The following AVEN variants were observed in gnomAD, a reference collection of about 807,000 sequenced individuals.
The protein encoded by AVEN is apoptosis and caspase activation inhibitor.
AVEN carries 41 observed loss-of-function variants against 38.1 expected under a neutral mutation model. The observed-to-expected ratio is 1.08, with a 90% CI of 0.84 to 1.40. The LOEUF (loss-of-function observed/expected upper bound fraction) is 1.40, where lower values mean the gene tolerates loss of function less well. Ranked by LOEUF, AVEN falls within the 40% of genes most tolerant of loss-of-function variation. AVEN has a pLI of 0.00. For synonymous variants in AVEN, 206 were observed against 171.8 expected (o/e 1.20, Z -1.56); for missense variants, 605 against 438.8 (o/e 1.38, Z -3.38).
intron 2 of AVEN, among the ~76,000 whole-genome samples, chr15:33,912,799 C>A (rs1397619959): frequency 6.6e-6 from 1 of 152,168 alleles, no homozygotes; most frequent in Non-Finnish European, 1.5e-5. Flanking sequence ...TAACTAAAAT[C>A]CACATTTGGC....
downstream of AVEN, chr15:33,854,592 T>C (rs1004661955): frequency 1.8e-5 from 19 of 1,050,956 alleles, no homozygotes; most frequent in East Asian, 1.9e-4. Flanking sequence ...GGAACACTTA[T>C]ACAATGGTAT....
downstream of AVEN, chr15:33,865,564 C>A (rs970999148): frequency 8.9e-6 from 2 of 223,470 alleles, no homozygotes; most frequent in Middle Eastern, 1.7e-3. Flanking sequence ...TATGAAATCT[C>A]GAATGTGTAA....
At chr15:34,073,207 A>ATTTTTTTTTTTTTT (rs761265891) in intron 1 of AVEN, among the ~76,000 whole-genome samples, 8 of 111,874 alleles carry the variant, frequency 7.2e-5, no homozygotes, top group African/African-American at 1.1e-4. Context: ...CGCCCGGCTA[A>ATTTTTTTTTTTTTT]TTTTTTTTTT....
intron 2 of AVEN, among the ~76,000 whole-genome samples, chr15:33,946,552 G>A (rs1276341348): frequency 1.3e-5 from 2 of 152,268 alleles, no homozygotes; most frequent in East Asian, 3.9e-4. Context: ...TTCTATTGGG[G>A]AACCACAAGC....
intron 2 of AVEN, among the ~76,000 whole-genome samples, chr15:33,989,661 G>C (rs1368551167): frequency 6.6e-6 from 1 of 151,950 alleles, no homozygotes. Context: ...TTTTAGAAGA[G>C]CTTCTACCCT....
chr15:33,957,238 G>T (rs562945917), intron 2 of AVEN, among the ~76,000 whole-genome samples: 17 of 152,292 alleles, frequency 1.1e-4, no homozygotes, highest in African/African-American at 3.6e-4. Flanking sequence ...GGATTTGGAA[G>T]AGTTCCACGG....
At chr15:34,041,947 T>C (rs1899492518), upstream of AVEN, among the ~76,000 whole-genome samples, 1 of 152,220 alleles carries the variant, frequency 6.6e-6, no homozygotes, top group Admixed American at 6.5e-5. Context: ...ATCTGTTCAT[T>C]CAAGGCGTAT....
chr15:33,880,337 A>G (rs940061802), intron 2 of AVEN, among the ~76,000 whole-genome samples: 1 of 152,138 alleles, frequency 6.6e-6, no homozygotes, highest in African/African-American at 2.4e-5. Context: ...GCATTTATCA[A>G]TTTTCAAAAG....
intron 2 of AVEN, among the ~76,000 whole-genome samples, chr15:33,958,842 T>G (rs1348598839): frequency 6.6e-6 from 1 of 152,232 alleles, no homozygotes; most frequent in East Asian, 1.9e-4. Flanking sequence ...TATTTCTCTA[T>G]GCCATAGGTG....
chr15:34,073,986 C>CTTTTTTTTTTTTTTTTTTTTTTTT lies in AVEN; in HGVS notation n.720+449_720+450insAAAAAAAAAAAAAAAAAAAAAAAA, dbSNP rs1381411256. Among the ~76,000 whole-genome samples the CTTTTTTTTTTTTTTTTTTTTTTTT allele has an allele frequency of 6.2e-5, 7 of 112,192 alleles. 3 individuals carry two copies. The highest frequency in any genetic ancestry group is 2.1e-4 in the African/African-American group (5 of 24,274). 73.6% of individuals were successfully genotyped at this position (112,192 alleles called of 152,430 possible). A position where few individuals can be genotyped will look rare whatever the true frequency, so the allele number is the denominator to read the frequency against. On this transcript the variant is annotated intron_variant and non_coding_transcript_variant, in intron 1 of 11. Transcript: ENST00000675287. ...TGGAGGAACTTTCTTTTTTCTTCTTCTTCTTTTTTTTTTTTTTTTTTTTTT... is the reference window on the plus strand; with the variant it reads ...TGGAGGAACTTTCTTTTTTCTTCTTCTTTTTTTTTTTTTTTTTTTTTTTTTTCTTTTTTTTTTTTTTTTTTTTTT...
At chr15:33,930,387 T>C (rs1407395987) in intron 2 of AVEN, among the ~76,000 whole-genome samples, 1 of 151,406 alleles carries the variant, frequency 6.6e-6, no homozygotes, top group Admixed American at 6.6e-5. Context: ...ATTAACTAAC[T>C]ACTAATTTTA....
intron 4 of AVEN, chr15:34,065,450 G>A (rs536264432): frequency 5.9e-5 from 9 of 152,166 alleles, no homozygotes; most frequent in African/African-American, 2.2e-4. Flanking sequence ...CAAGCAGGGG[G>A]TTGTGGGGTG....
At chr15:33,944,983 T>C (rs1894456345) in intron 2 of AVEN, among the ~76,000 whole-genome samples, 1 of 152,142 alleles carries the variant, frequency 6.6e-6, no homozygotes, top group Non-Finnish European at 1.5e-5. Context: ...TCCAATGAAA[T>C]AGAAAATTTA....
Position 33,867,820 on chromosome 15 carries a change from T to C in AVEN, c.648A>G (p.Pro216=). 6.2e-7 allele frequency: 1 copy of C among 1,603,594 alleles called. No homozygotes were observed. Among genetic ancestry groups the C allele is most frequent in the Admixed American group, 1.8e-5 (1 of 57,124 alleles). The change falls in exon 5 of 6, where the codon CCA becomes CCG. Residue 216 remains proline, a synonymous_variant. Coordinates refer to ENST00000306730, the MANE Select transcript of AVEN (RefSeq NM_020371.3). ...ATCCCTTGCCATCATCAGTTCTCTT[T>C]GGTTTCACCTGAGGAACCTCTAAAG... ...TVPLEVPQVK[P]KRTDDGKGLG... is the part of the protein sequence containing the mutation.
At chr15:33,971,954 GATGATT>G (rs760723091) in intron 2 of AVEN, 3 of 152,054 alleles carry the variant, frequency 2.0e-5, no homozygotes, top group Non-Finnish European at 4.4e-5. Context: ...ATATCAAACA[GATGATT>G]ATATGCTTTC....
At chr15:33,897,959 G>A (rs1019914205) in intron 2 of AVEN, among the ~76,000 whole-genome samples, 1 of 152,178 alleles carries the variant, frequency 6.6e-6, no homozygotes, top group East Asian at 1.9e-4. Flanking sequence ...GGAGGTCGAA[G>A]GGGGCGGATC....
chr15:33,952,317 T>C (rs1023921071), intron 2 of AVEN, among the ~76,000 whole-genome samples: 2 of 152,152 alleles, frequency 1.3e-5, no homozygotes, highest in African/African-American at 2.4e-5. Flanking sequence ...AAGAGAGCAA[T>C]ATACCTTGCA....
intron 2 of AVEN, among the ~76,000 whole-genome samples, chr15:33,998,951 T>C (rs1317201271): frequency 1.3e-5 from 2 of 152,234 alleles, no homozygotes; most frequent in South Asian, 4.1e-4. Context: ...AAATGTATTA[T>C]TGCCAACCCA....
At chr15:33,921,795 C>G (rs1893404563) in intron 2 of AVEN, among the ~76,000 whole-genome samples, 2 of 152,138 alleles carry the variant, frequency 1.3e-5, no homozygotes, top group African/African-American at 4.8e-5. Context: ...CAAAAGAGAA[C>G]AGAAGAAAAC....
Sources: gnomAD v4.1 joint callset for allele counts (sites outside exome capture counted in the v4.1 genomes callset) on GRCh38, gnomAD v4.1.1 for gene constraint, MANE v1.5 for transcripts, NCBI Gene and HGNC (gene_info 2026-07-23, HGNC 2026-07-21) for gene names.